Variants in TRPV3 observed in about 807,000 individuals in gnomAD.
The protein encoded by TRPV3 is transient receptor potential cation channel subfamily V member 3, also known as VRL-3.
Under a neutral mutation model 87.1 loss-of-function variants are expected in TRPV3, and 88 were observed. The ratio of observed to expected loss-of-function variants is 1.01; its 90% confidence interval spans 0.85 to 1.21. The LOEUF (loss-of-function observed/expected upper bound fraction) is 1.21. Ranked by LOEUF, TRPV3 falls within the 50% of genes most tolerant of loss-of-function variation. The pLI, the probability that TRPV3 is intolerant of heterozygous loss-of-function variation, is 0.00. For missense variants in TRPV3, 1,054 were observed against 1,030.1 expected (o/e 1.02, Z -0.32); for synonymous variants, 438 against 423.3 (o/e 1.03, Z -0.43).
In TRPV3 at chr17:3,554,874, G is replaced by A. The variant is rs979827177; in HGVS notation, c.-2-22C>T. The A allele has an allele frequency of 5.1e-6, 8 of 1,558,818 alleles. No homozygotes were observed. The African/African-American group carries it at 1.1e-4, about 21-fold the overall frequency. On this transcript the variant is annotated intron_variant, in intron 1 of 17. Coordinates refer to ENST00000576742, the MANE Select transcript of TRPV3 (RefSeq NM_145068.4). ...ATGGCTGGAATACAACCACAGGGCAGATGCTCAGGCCGGGGGGACAGGGGG... is the reference window on the plus strand; with the variant it reads ...ATGGCTGGAATACAACCACAGGGCAAATGCTCAGGCCGGGGGGACAGGGGG...
chr17:3,552,589 C>T (rs2074588344), intron 2 of TRPV3: 1 of 152,250 alleles, frequency 6.6e-6, no homozygotes, highest in African/African-American at 2.4e-5. Flanking sequence ...CCTCAGAGGG[C>T]CTTTGGGGCA....
In TRPV3 at chr17:3,530,380, CA is replaced by C. The variant is rs1387737530; in HGVS notation, c.1066-178del. The C allele has an allele frequency of 1.8e-6, 1 of 557,462 alleles. No individual in the cohort carries two copies. The highest frequency in any genetic ancestry group is 1.9e-5 in the African/African-American group (1 of 53,040). The allele number at this position is 557,462 out of a possible 1,614,324, so 34.5% of individuals were successfully genotyped here. A position where few individuals can be genotyped will look rare whatever the true frequency, so the allele number is the denominator to read the frequency against. ...CCCGTCTTTATCTGTGGAATGCGCA[CA>C]AAGCTTGCTGTTCCGCCCATCTCAC... On this transcript the variant is annotated intron_variant, in intron 8 of 17. Coordinates refer to ENST00000576742, the MANE Select transcript of TRPV3 (RefSeq NM_145068.4). This position sits in a 1 kb window ranked among gnomAD's most constrained non-coding sequence, Gnocchi z 4.0.
chr17:3,526,851 T>C lies in TRPV3; in HGVS notation c.1577+3A>G, dbSNP rs1225641545. 5.6e-6 allele frequency: 9 copies of C among 1,609,576 alleles called. No homozygotes were observed. The highest frequency in any genetic ancestry group is 1.1e-5 in the South Asian group (1 of 89,822). On this transcript the variant is annotated splice_donor_region_variant and intron_variant, in intron 12 of 17. Coordinates refer to ENST00000576742, the MANE Select transcript of TRPV3 (RefSeq NM_145068.4). ...CGATAACCAAGGGGCCAGACCTACTTACAAGACAAAGTGGAACCAGGCATC... is the reference window on the plus strand; with the variant it reads ...CGATAACCAAGGGGCCAGACCTACTCACAAGACAAAGTGGAACCAGGCATC...
Position 3,542,509 on chromosome 17 carries a change from G to A in TRPV3, c.643+13C>T, listed in dbSNP as rs375466307. ...AGACTCCTGTCTGCACAGCCCCTCT[G>A]CAGGCAGGATACCTTCATAGGCCTC... On this transcript the variant is annotated intron_variant, in intron 6 of 17. Coordinates refer to ENST00000576742, the MANE Select transcript of TRPV3 (RefSeq NM_145068.4). 4.3e-6 allele frequency: 7 copies of A among 1,610,884 alleles called. No individual in the cohort carries two copies. The highest frequency in any genetic ancestry group is 5.9e-6 in the Non-Finnish European group (7 of 1,178,352).
intron 14 of TRPV3, 51 bp downstream of exon 14, chr17:3,520,922 G>A (rs2150782551): frequency 1.5e-6 from 2 of 1,313,228 alleles, no homozygotes; most frequent in Non-Finnish European, 2.2e-6. Flanking sequence ...TTTGACATCT[G>A]TATAAAGTGT....
At position 3,510,924 on chromosome 17, in the gene TRPV3, T is replaced by C. The variant is rs2074104679; in HGVS notation, c.*2993A>G. ...ACAACCTCCAGCACCTTCTCCCACA[T>C]CCCAGGGAGGAAGGTTAAGCACCTT... is the stretch of plus-strand genomic sequence containing the variant. On this transcript the variant is annotated 3_prime_UTR_variant, in exon 18 of 18. Coordinates refer to ENST00000576742, the MANE Select transcript of TRPV3 (RefSeq NM_145068.4). 1 of 152,230 alleles carries C rather than the reference T, an allele frequency of 6.6e-6. No individual in the cohort carries two copies. The highest frequency in any genetic ancestry group is 1.5e-5 in the Non-Finnish European group (1 of 68,060). The allele number at this position is 152,230 out of a possible 1,614,324, so 9.4% of individuals were successfully genotyped here. A position where few individuals can be genotyped will look rare whatever the true frequency, so the allele number is the denominator to read the frequency against.
chr17:3,533,646 C>G (rs1197143647), intron 7 of TRPV3, among the ~76,000 whole-genome samples: 1 of 151,964 alleles, frequency 6.6e-6, no homozygotes, highest in Non-Finnish European at 1.5e-5. Flanking sequence ...CTACAGGCGC[C>G]CGCCACCACG....
rs1321142217 is a variant in TRPV3, at chr17:3,524,293, A to G, written c.1648T>C (p.Cys550Arg). 6.2e-7 allele frequency: 1 copy of G among 1,614,266 alleles called. No individual in the cohort carries two copies. The highest frequency in any genetic ancestry group is 2.2e-5 in the East Asian group (1 of 44,892). The stretch of plus-strand genomic sequence containing the variant: ...CCCAGGGCCATGGCCAGCACGAGGC[A>G]GGCGAGGTACTCTTTGTAGGCAAAC... The part of the protein sequence containing the change: ...YLFAYKEYLA[C>R]LVLAMALGWA... Residue 550 changes from cysteine to arginine, a missense_variant, in exon 13 of 18, where the codon TGC (cysteine) becomes CGC (arginine). By Grantham distance (180) the Cys-to-Arg change is radical. Coordinates refer to ENST00000576742, the MANE Select transcript of TRPV3 (RefSeq NM_145068.4).
intron 2 of TRPV3, among the ~76,000 whole-genome samples, chr17:3,550,745 T>G (rs1015316066): frequency 2.6e-5 from 4 of 152,128 alleles, no homozygotes; most frequent in Admixed American, 2.0e-4. Flanking sequence ...AGGATGGTCT[T>G]GATCTCCTGA....
intron 12 of TRPV3, among the ~76,000 whole-genome samples, chr17:3,526,105 G>A (rs1330051427): frequency 1.3e-5 from 2 of 152,152 alleles, no homozygotes; most frequent in East Asian, 3.9e-4. Flanking sequence ...AGGCACGATT[G>A]TAAGAAAAAC....
intron 15 of TRPV3, among the ~76,000 whole-genome samples, chr17:3,517,471 G>A (rs1425062924): frequency 2.0e-5 from 3 of 151,376 alleles, no homozygotes; most frequent in Admixed American, 1.3e-4. Flanking sequence ...ATACAAAAAT[G>A]ACCCAGGTGT....
intron 4 of TRPV3, 53 bp downstream of exon 4, chr17:3,544,526 G>C: frequency 8.4e-7 from 1 of 1,191,404 alleles, no homozygotes; most frequent in Non-Finnish European, 1.2e-6. Context: ...CTGTCTCTCT[G>C]GCACCCCCAG....
chr17:3,527,873 A>AT (rs1312956980), intron 11 of TRPV3, 152 bp downstream of exon 11: 3 of 642,832 alleles, frequency 4.7e-6, no homozygotes, highest in Non-Finnish European at 8.3e-6. Flanking sequence ...AGCCTTATCC[A>AT]TTTTTTCCCA....
In TRPV3 at chr17:3,518,740, C is replaced by G. The variant is rs1414760699; in HGVS notation, c.1921G>C (p.Asp641His). 6.2e-7 allele frequency: 1 copy of G among 1,613,708 alleles called. No individual in the cohort carries two copies. Among genetic ancestry groups the G allele is most frequent in the East Asian group, 2.2e-5 (1 of 44,888 alleles). The change falls in exon 15 of 18, where the codon GAC becomes CAC. Residue 641 changes from aspartate (D) to histidine (H), a missense_variant. By Grantham distance (81) the Asp-to-His change is moderately conservative. Transcript: ENST00000576742. The surrounding 1 kb of genome is among the most constrained non-coding windows in gnomAD (Gnocchi z 4.3). Reference protein sequence around the residue: ...ELFKLTIGLGDLNIQQNSKYP... With the variant: ...ELFKLTIGLGHLNIQQNSKYP... ...TTGGAGTTCTGCTGGATGTTCAGGT[C>G]ACCCAGGCCTATGGTGAGCTTGAAG...
At chr17:3,519,892 G>A (rs868562918) in intron 14 of TRPV3, among the ~76,000 whole-genome samples, 2,352 of 126,272 alleles carry the variant, frequency 0.019, 26 homozygotes, top group Non-Finnish European at 0.021. Flanking sequence ...ATGGATGATT[G>A]GATGGATGAT....
intron 6 of TRPV3, among the ~76,000 whole-genome samples, chr17:3,538,646 G>A (rs1019866309): frequency 2.6e-5 from 4 of 151,732 alleles, no homozygotes; most frequent in African/African-American, 9.7e-5. Flanking sequence ...GTGCAGTGGC[G>A]CGATCTCGGC....
chr17:3,512,017 T>TA lies in TRPV3; in HGVS notation c.*1899dup, dbSNP rs2074119513. ...ATGCTGATTTGTACAATCTCCAGGC[T>TA]AAAAGGGACCTTAAACTTCTTCCAA... On this transcript the variant is annotated 3_prime_UTR_variant, in exon 18 of 18. Transcript: ENST00000576742. The TA allele has an allele frequency of 6.6e-6, 1 of 152,220 alleles. No homozygotes were observed. Among genetic ancestry groups the TA allele is most frequent in the Non-Finnish European group, 1.5e-5 (1 of 68,030 alleles). 9.4% of individuals were successfully genotyped at this position (152,220 alleles called of 1,614,324 possible).
intron 12 of TRPV3, among the ~76,000 whole-genome samples, chr17:3,525,332 A>T (rs544467947): frequency 1.3e-5 from 2 of 152,224 alleles, no homozygotes; most frequent in Non-Finnish European, 2.9e-5. Context: ...AAATCTTTTT[A>T]AAGTATGATG....
intron 6 of TRPV3, 74 bp from the exon 7 acceptor site, chr17:3,535,787 C>CA (rs574598945): frequency 2.7e-4 from 368 of 1,378,364 alleles, no homozygotes; most frequent in Admixed American, 5.8e-4. Context: ...GCTCTGGCCT[C>CA]CATACCCTCC....
Sources: allele counts gnomAD v4.1 joint callset (sites outside exome capture counted in the v4.1 genomes callset), GRCh38; gene constraint gnomAD v4.1.1; non-coding constraint Gnocchi (gnomAD v3.1); transcripts MANE v1.5; gene names NCBI Gene and HGNC (gene_info 2026-07-23, HGNC 2026-07-21).